The following FSTL4 variants were observed in gnomAD, a reference collection of about 807,000 sequenced individuals.
FSTL4 encodes follistatin-related protein 4.
A neutral mutation model predicts 78.2 loss-of-function variants in FSTL4; 28 were observed. That is an observed-to-expected ratio of 0.36 (90% confidence interval 0.27 to 0.49). FSTL4 has a LOEUF of 0.49. Among genes scored for constraint, FSTL4 ranks in the 20% least tolerant of loss-of-function variants. FSTL4 has a pLI of 0.98. For synonymous variants in FSTL4, 422 were observed against 440.5 expected, an observed-to-expected ratio of 0.96 and a Z score of 0.53; for missense variants, 922 against 1,084.9, an observed-to-expected ratio of 0.85 and a Z score of 2.11.
In FSTL4 at chr5:133,316,455, C is replaced by T; in HGVS notation, c.603+4G>A. The stretch of plus-strand genomic sequence containing the variant: ...ATGTGACTTTCACTGAACACGATGC[C>T]CACCTGAGCCAGTTCGGAGCTGCTG... On this transcript the variant is annotated splice_donor_region_variant and intron_variant, in intron 5 of 15. Transcript: ENST00000265342. 1 of 1,610,290 alleles carries T rather than the reference C, an allele frequency of 6.2e-7. No individual in the cohort carries two copies. The highest frequency in any genetic ancestry group is 8.5e-7 in the Non-Finnish European group (1 of 1,177,320).
intron 3 of FSTL4, among the ~76,000 whole-genome samples, chr5:133,488,052 G>A (rs1019960614): frequency 1.3e-5 from 2 of 152,178 alleles, no homozygotes; most frequent in Non-Finnish European, 2.9e-5. Flanking sequence ...CTAATACAAA[G>A]ATAGTGAAGG....
chr5:133,314,394 C>T (rs145820708), intron 5 of FSTL4, among the ~76,000 whole-genome samples: 5 of 152,174 alleles, frequency 3.3e-5, no homozygotes, highest in Non-Finnish European at 7.4e-5. Flanking sequence ...TGGGCTTGCG[C>T]GAGCCACTCA....
chr5:133,599,121 A>G (rs1318229140), intron 2 of FSTL4, among the ~76,000 whole-genome samples: 2 of 152,180 alleles, frequency 1.3e-5, no homozygotes, highest in South Asian at 2.1e-4. Flanking sequence ...GGTGAGGGAC[A>G]CTAGCGTTAA....
At chr5:133,677,079 A>G in the FSTL4 span, among the ~76,000 whole-genome samples, 1 of 152,240 alleles carries the variant, frequency 6.6e-6, no homozygotes, top group Non-Finnish European at 1.5e-5. Flanking sequence ...GCTCACACAA[A>G]TTTAGTCTTT....
intron 4 of FSTL4, among the ~76,000 whole-genome samples, chr5:133,323,814 A>T (rs1474981319): frequency 1.3e-5 from 2 of 152,194 alleles, no homozygotes; most frequent in African/African-American, 2.4e-5. Flanking sequence ...TCCTATTTTC[A>T]TGTCAGAACT....
At position 133,527,415 on chromosome 5, in the gene FSTL4, G is replaced by A. The variant is rs139460275; in HGVS notation, c.160+39771C>T. Among the ~76,000 whole-genome samples, 63 of 152,228 alleles carry A rather than the reference G, an allele frequency of 4.1e-4. 1 individual carries two copies. Among genetic ancestry groups the A allele is most frequent in the South Asian group, 2.7e-3 (13 of 4,810 alleles). On this transcript the variant is annotated intron_variant, in intron 3 of 15. Coordinates refer to ENST00000265342, the MANE Select transcript of FSTL4 (RefSeq NM_015082.2). ...CCCCCAAATCAGGCAGGGCTAGCCA[G>A]TGTCTGTTCTCTCAGCCTCTCAGTT... is the stretch of plus-strand genomic sequence containing the variant.
In FSTL4 at chr5:133,384,775, C is replaced by T. The variant is rs191004703; in HGVS notation, c.409+15963G>A. Among the ~76,000 whole-genome samples the T allele has an allele frequency of 2.4e-3, 362 of 152,290 alleles. 4 individuals are homozygous for T. Among genetic ancestry groups the T allele is most frequent in the Admixed American group, 2.3e-3 (35 of 15,302 alleles). Reference sequence around the variant, plus strand: ...CCTCCCCTTGCATCCAGGAGAAAGTCCACACTCCTTAACCTGATGGTCCAG... The same window carrying T: ...CCTCCCCTTGCATCCAGGAGAAAGTTCACACTCCTTAACCTGATGGTCCAG... On this transcript the variant is annotated intron_variant, in intron 4 of 15. Transcript: ENST00000265342.
chr5:133,465,851 A>G (rs1394933069), intron 3 of FSTL4, among the ~76,000 whole-genome samples: 1 of 152,266 alleles, frequency 6.6e-6, no homozygotes, highest in Non-Finnish European at 1.5e-5. Context: ...CAACTCTAAC[A>G]GGGATACTGG....
At chr5:133,820,765 T>A in the FSTL4 span, among the ~76,000 whole-genome samples, 1 of 152,222 alleles carries the variant, frequency 6.6e-6, no homozygotes, top group African/African-American at 2.4e-5. Context: ...AGAAACCAAC[T>A]GTTTGTGGCC....
chr5:133,734,910 G>A, the FSTL4 span, among the ~76,000 whole-genome samples: 10 of 152,100 alleles, frequency 6.6e-5, no homozygotes, highest in Admixed American at 1.3e-4. Context: ...CATCTTGTAC[G>A]TAAACCCTCA....
At position 133,611,567 on chromosome 5, in the gene FSTL4, C is replaced by T. The variant is rs780754136; in HGVS notation, c.-11+758G>A. 6.6e-6 allele frequency among the ~76,000 whole-genome samples: 1 copy of T among 152,186 alleles called. No homozygotes were observed. Among genetic ancestry groups the T allele is most frequent in the Non-Finnish European group, 1.5e-5 (1 of 68,028 alleles). The stretch of plus-strand genomic sequence containing the variant: ...CAGTGCAAGCTCTCTTAGGACCAAG[C>T]CCCCAGCCCGAACGCTGAACGCCCC... On this transcript the variant is annotated intron_variant, in intron 1 of 15. Coordinates refer to ENST00000265342, the MANE Select transcript of FSTL4 (RefSeq NM_015082.2). This position sits in a 1 kb window ranked among gnomAD's most constrained non-coding sequence, Gnocchi z 4.9.
the FSTL4 span, among the ~76,000 whole-genome samples, chr5:133,812,265 C>T: frequency 6.6e-6 from 1 of 152,230 alleles, no homozygotes; most frequent in Non-Finnish European, 1.5e-5. Flanking sequence ...AGACTTGCAC[C>T]TCTGTGGTCC....
At chr5:133,540,855 C>T (rs1197601059) in intron 3 of FSTL4, among the ~76,000 whole-genome samples, 2 of 151,974 alleles carry the variant, frequency 1.3e-5, no homozygotes, top group African/African-American at 2.4e-5. Flanking sequence ...TACTGCATTA[C>T]CAGAGGTGAC....
the FSTL4 span, among the ~76,000 whole-genome samples, chr5:133,620,726 C>T: frequency 6.6e-6 from 1 of 152,188 alleles, no homozygotes; most frequent in Admixed American, 6.5e-5. Flanking sequence ...CCTTCCTCCA[C>T]CTAACCACTG....
chr5:133,762,295 C>T, the FSTL4 span, among the ~76,000 whole-genome samples: 2 of 152,128 alleles, frequency 1.3e-5, no homozygotes, highest in Non-Finnish European at 2.9e-5. Context: ...TTTAAAGGGA[C>T]CTACGGTGAC....
intron 3 of FSTL4, among the ~76,000 whole-genome samples, chr5:133,522,348 C>G (rs1044466149): frequency 2.6e-5 from 4 of 152,196 alleles, no homozygotes; most frequent in Non-Finnish European, 5.9e-5. Flanking sequence ...AACAGTTGGT[C>G]AGCATTCTTC....
intron 3 of FSTL4, among the ~76,000 whole-genome samples, chr5:133,449,448 C>T (rs1406925289): frequency 6.6e-6 from 1 of 152,164 alleles, no homozygotes; most frequent in African/African-American, 2.4e-5. Flanking sequence ...AAACCATGGC[C>T]AAATAGTCTA....
At chr5:133,323,722 C>G (rs1325811583) in intron 4 of FSTL4, among the ~76,000 whole-genome samples, 1 of 152,232 alleles carries the variant, frequency 6.6e-6, no homozygotes, top group African/African-American at 2.4e-5. Flanking sequence ...CCAGCACATG[C>G]GTGGGGCTCC....
chr5:133,395,577 C>T (rs1756009009), intron 4 of FSTL4, among the ~76,000 whole-genome samples: 1 of 152,204 alleles, frequency 6.6e-6, no homozygotes, highest in South Asian at 2.1e-4. Context: ...AGCTTGAGTT[C>T]AGACTTCCCT....
Sources: allele counts gnomAD v4.1 joint callset (sites outside exome capture counted in the v4.1 genomes callset), GRCh38; gene constraint gnomAD v4.1.1; non-coding constraint Gnocchi (gnomAD v3.1); transcripts MANE v1.5; gene names NCBI Gene and HGNC (gene_info 2026-07-23, HGNC 2026-07-21).